The following CD86 variants were observed in gnomAD, a reference collection of about 807,000 sequenced individuals.
CD86 encodes T-lymphocyte activation antigen CD86.
In CD86, 11 loss-of-function variants were observed where a neutral mutation model predicts 32.1. That is an observed-to-expected ratio of 0.34 (90% confidence interval 0.22 to 0.57). CD86 has a LOEUF of 0.57. Ranked by LOEUF, CD86 falls within the 20% of genes least tolerant of loss-of-function variation. CD86 has a pLI of 0.86. For synonymous variants in CD86, 137 were observed against 135.3 expected, an observed-to-expected ratio of 1.01 and a Z score of -0.09; for missense variants, 359 against 398.4, an observed-to-expected ratio of 0.90 and a Z score of 0.84.
At chr3:122,113,806 C>T (rs1576788175) in intron 5 of CD86, among the ~76,000 whole-genome samples, 1 of 152,060 alleles carries the variant, frequency 6.6e-6, no homozygotes, top group East Asian at 1.9e-4. Flanking sequence ...TGAAAGAAGG[C>T]CTGGAGAGAA....
chr3:122,071,335 C>T (rs1215023632), intron 1 of CD86, among the ~76,000 whole-genome samples: 2 of 152,088 alleles, frequency 1.3e-5, no homozygotes, highest in African/African-American at 2.4e-5. Flanking sequence ...TTACTGTCTC[C>T]ACAGTTTTGC....
chr3:122,101,410 G>A (rs57931430), intron 2 of CD86, among the ~76,000 whole-genome samples: 1 of 150,580 alleles, frequency 6.6e-6, no homozygotes, highest in Non-Finnish European at 1.5e-5. Flanking sequence ...ATCTTTGGGA[G>A]AAGGGGCCTG....
At chr3:122,068,526 TTCAGAATCACAG>T (rs1174974166) in intron 1 of CD86, among the ~76,000 whole-genome samples, 3 of 152,206 alleles carry the variant, frequency 2.0e-5, no homozygotes, top group Non-Finnish European at 4.4e-5. Flanking sequence ...GCCACTTAAA[TTCAGAATCACAG>T]TCTTTTGAAT....
At chr3:122,069,397 A>G (rs933740449) in intron 1 of CD86, among the ~76,000 whole-genome samples, 3 of 152,214 alleles carry the variant, frequency 2.0e-5, no homozygotes, top group African/African-American at 7.2e-5. Flanking sequence ...ACAAAGGTAA[A>G]GCATGAAAAT....
At chr3:122,081,458 C>T (rs1333142869) in intron 1 of CD86, among the ~76,000 whole-genome samples, 3 of 152,178 alleles carry the variant, frequency 2.0e-5, no homozygotes, top group Non-Finnish European at 4.4e-5. Context: ...TTCTTTGAGA[C>T]CCATTAAACA....
chr3:122,099,614 G>A (rs184459469), intron 2 of CD86, among the ~76,000 whole-genome samples: 1 of 152,248 alleles, frequency 6.6e-6, no homozygotes, highest in East Asian at 1.9e-4. Flanking sequence ...TGTCCCCAGG[G>A]TAAATTTTAT....
chr3:122,110,622 C>T lies in CD86; in HGVS notation c.847+1214C>T, dbSNP rs191884679. Among the ~76,000 whole-genome samples, 115 of 152,244 alleles carry T rather than the reference C, an allele frequency of 7.6e-4. 3 individuals are homozygous for T. In the South Asian group the frequency reaches 0.015, roughly 19 times the overall value. ...TTAAAAATAAGAAATTGGGGAGCAA[C>T]GATCGAATTTAAATAAATTAACACA... On this transcript the variant is annotated intron_variant, in intron 5 of 6. Transcript: ENST00000330540.
In CD86 at chr3:122,077,952, T is replaced by C. The variant is rs779509345; in HGVS notation, c.15-13649T>C. The C allele has an allele frequency of 3.0e-6, 3 of 985,466 alleles. No individual in the cohort carries two copies. The South Asian group carries it at 1.4e-4, about 46-fold the overall frequency. 61.0% of individuals were successfully genotyped at this position (985,466 alleles called of 1,614,324 possible). ...CTCGCAAATACTCCTTTTGGTTTAT[T>C]CTTACCACCTTGCTTCTGTGTTCCT... On this transcript the variant is annotated intron_variant, in intron 1 of 6. Transcript: ENST00000330540.
intron 3 of CD86, among the ~76,000 whole-genome samples, chr3:122,104,382 C>T (rs890079313): frequency 2.0e-5 from 3 of 152,184 alleles, no homozygotes; most frequent in Non-Finnish European, 2.9e-5. Context: ...AAAAACCCAA[C>T]AAACATAACC....
chr3:122,101,513 A>AAAT (rs1202377219), intron 2 of CD86, among the ~76,000 whole-genome samples: 120 of 46,264 alleles, frequency 2.6e-3, no homozygotes, highest in African/African-American at 8.9e-3. Flanking sequence ...AAAAAAAAAA[A>AAAT]ATATATATAT....
intron 2 of CD86, among the ~76,000 whole-genome samples, chr3:122,100,304 C>T (rs2072979023): frequency 6.6e-6 from 1 of 152,136 alleles, no homozygotes; most frequent in South Asian, 2.1e-4. Flanking sequence ...GCTCAAAGTC[C>T]CCACAAAGTG....
chr3:122,102,139 C>T (rs2073019695), intron 2 of CD86, among the ~76,000 whole-genome samples: 1 of 152,030 alleles, frequency 6.6e-6, no homozygotes, highest in African/African-American at 2.4e-5. Context: ...GTTATCTGTC[C>T]TTCTATTCCC....
chr3:122,103,754 A>G lies in CD86; in HGVS notation c.307A>G (p.Lys103Glu). Residue 103 changes from lysine to glutamate, a missense_variant, in exon 3 of 7, where the codon AAG (lysine) becomes GAG (glutamate). Physicochemically the swap from Lys to Glu is moderately conservative, Grantham distance 56. Coordinates refer to ENST00000330540, the MANE Select transcript of CD86 (RefSeq NM_175862.5). ...WTLRLHNLQI[K>E]DKGLYQCIIH... ...CCTGAGACTTCACAATCTTCAGATC[A>G]AGGACAAGGGCTTGTATCAATGTAT... is the stretch of plus-strand genomic sequence containing the variant. The G allele has an allele frequency of 6.2e-7, 1 of 1,613,968 alleles. No homozygotes were observed. Among genetic ancestry groups the G allele is most frequent in the Non-Finnish European group, 8.5e-7 (1 of 1,179,812 alleles).
intron 1 of CD86, among the ~76,000 whole-genome samples, chr3:122,062,341 C>A (rs1176146620): frequency 6.6e-6 from 1 of 152,132 alleles, no homozygotes; most frequent in Non-Finnish European, 1.5e-5. Context: ...AATGGTTGTA[C>A]AAGCAGACAC....
rs371455287 is a variant in CD86, at chr3:122,067,326, C to T, written c.14+11823C>T. Among the ~76,000 whole-genome samples the T allele has an allele frequency of 2.8e-4, 42 of 152,282 alleles. 1 individual carries two copies. The East Asian group carries it at 8.1e-3, about 29-fold the overall frequency. On this transcript the variant is annotated intron_variant, in intron 1 of 6. Transcript: ENST00000330540. The stretch of plus-strand genomic sequence containing the variant: ...ATAATGAAGGGAGCCAGCCACAAGG[C>T]TGTTGCAATCAATCGTCCAAACAAG...
At position 122,103,839 on chromosome 3, in the gene CD86, C is replaced by A; in HGVS notation, c.392C>A (p.Ser131Ter). 1 of 1,612,006 alleles carries A rather than the reference C, an allele frequency of 6.2e-7. No individual in the cohort carries two copies. The highest frequency in any genetic ancestry group is 8.5e-7 in the Non-Finnish European group (1 of 1,178,462). Residue 131 changes from serine (S) to a stop codon, truncating the protein, a stop_gained, in exon 3 of 7, where the codon TCA becomes TAA. Transcript: ENST00000330540. LOFTEE classifies it high-confidence loss of function. Reference sequence around the variant, plus strand: ...ATCCACCAGATGAATTCTGAACTGTCAGTGCTTGGTATGTGGTCAATGGTG... The same window carrying A: ...ATCCACCAGATGAATTCTGAACTGTAAGTGCTTGGTATGTGGTCAATGGTG... ...IRIHQMNSEL[S>*]VLANFSQPEI...
chr3:122,106,513 T>C lies in CD86; in HGVS notation c.703+13T>C. 6.3e-7 allele frequency: 1 copy of C among 1,581,394 alleles called. No individual in the cohort carries two copies. Among genetic ancestry groups the C allele is most frequent in the Non-Finnish European group, 8.6e-7 (1 of 1,162,360 alleles). On this transcript the variant is annotated intron_variant, in intron 4 of 6. Transcript: ENST00000330540. ...CCTTTCTCTATAGGTAAAGCTGTTT[T>C]CCAAGACTATTTCTTTCAGCAGGTA... is the stretch of plus-strand genomic sequence containing the variant.
At chr3:122,100,222 T>C (rs1288820394) in intron 2 of CD86, among the ~76,000 whole-genome samples, 1 of 152,290 alleles carries the variant, frequency 6.6e-6, no homozygotes, top group East Asian at 1.9e-4. Context: ...AAAATCCTCA[T>C]TTAGCAAGGT....
chr3:122,080,403 C>A (rs2072615866), intron 1 of CD86, among the ~76,000 whole-genome samples: 1 of 152,170 alleles, frequency 6.6e-6, no homozygotes, highest in African/African-American at 2.4e-5. Flanking sequence ...GTCTTGTACA[C>A]AGATTTGCTC....
Sources: allele counts gnomAD v4.1 joint callset (sites outside exome capture counted in the v4.1 genomes callset), GRCh38; gene constraint gnomAD v4.1.1; transcripts MANE v1.5; gene names NCBI Gene and HGNC (gene_info 2026-07-23, HGNC 2026-07-21).